The following NEK1 variants were observed in gnomAD, a reference collection of about 807,000 sequenced individuals.
NEK1 encodes the protein NIMA related kinase 1.
Under a neutral mutation model 182.1 loss-of-function variants are expected in NEK1, and 137 were observed. The ratio of observed to expected loss-of-function variants is 0.75; its 90% confidence interval spans 0.65 to 0.87. The LOEUF (loss-of-function observed/expected upper bound fraction) is 0.87, where lower values mean the gene tolerates loss of function less well. Ranked by LOEUF, NEK1 falls within the 40% of genes least tolerant of loss-of-function variation. NEK1 has a pLI of 0.00. For missense variants in NEK1, 1,391 were observed against 1,494.4 expected, an observed-to-expected ratio of 0.93 and a Z score of 1.14; for synonymous variants, 513 against 492.2, an observed-to-expected ratio of 1.04 and a Z score of -0.56.
intron 18 of NEK1, among the ~76,000 whole-genome samples, chr4:169,546,962 A>C (rs1760575948): frequency 6.6e-6 from 1 of 152,188 alleles, no homozygotes; most frequent in South Asian, 2.1e-4. Context: ...TGCAGCATTT[A>C]GCCCATTTAC....
chr4:169,609,076 A>AG lies in NEK1; in HGVS notation c.-49+2943_-49+2944insC, dbSNP rs1553961313. The stretch of plus-strand genomic sequence containing the variant: ...ACTCCTTCTCAAAAAAAAAAAAAAA[A>AG]AAGAAGAAGAAATACAATTTTAAAA... On this transcript the variant is annotated intron_variant, in intron 2 of 35. Coordinates refer to ENST00000507142, the MANE Select transcript of NEK1 (RefSeq NM_001199397.3). 5.3e-5 allele frequency among the ~76,000 whole-genome samples: 8 copies of AG among 151,924 alleles called. No individual in the cohort carries two copies. In the East Asian group the frequency reaches 5.8e-4, roughly 11 times the overall value.
chr4:169,568,345 A>T (rs1764055330), intron 12 of NEK1, among the ~76,000 whole-genome samples: 1 of 152,232 alleles, frequency 6.6e-6, no homozygotes. Flanking sequence ...ATAAATAAGC[A>T]TCTTAAAAAT....
At chr4:169,541,689 G>A (rs149458372) in intron 18 of NEK1, among the ~76,000 whole-genome samples, 1 of 152,266 alleles carries the variant, frequency 6.6e-6, no homozygotes, top group Non-Finnish European at 1.5e-5. Context: ...TATAATGCCA[G>A]TGACCACTAA....
chr4:169,444,321 T>C (rs1740079744), intron 27 of NEK1, among the ~76,000 whole-genome samples: 1 of 152,070 alleles, frequency 6.6e-6, no homozygotes, highest in South Asian at 2.1e-4. Flanking sequence ...ATTTAGAAGA[T>C]ACAGGTTGGC....
At chr4:169,596,466 C>G (rs1484464364) in intron 5 of NEK1, among the ~76,000 whole-genome samples, 1 of 152,168 alleles carries the variant, frequency 6.6e-6, no homozygotes, top group African/African-American at 2.4e-5. Flanking sequence ...GGCAAAAATA[C>G]TGGTACATCT....
chr4:169,569,558 A>G (rs1026384368), intron 12 of NEK1, among the ~76,000 whole-genome samples: 5 of 150,486 alleles, frequency 3.3e-5, no homozygotes, highest in Non-Finnish European at 7.4e-5. Context: ...GCTGGACTGT[A>G]CTGCTGCCAT....
intron 26 of NEK1, among the ~76,000 whole-genome samples, chr4:169,466,048 A>G (rs1561237550): frequency 6.6e-6 from 1 of 152,150 alleles, no homozygotes; most frequent in Non-Finnish European, 1.5e-5. Flanking sequence ...GACAGAGATG[A>G]TGTAACTAGT....
intron 23 of NEK1, among the ~76,000 whole-genome samples, chr4:169,504,120 A>G (rs903383797): frequency 1.3e-5 from 2 of 152,222 alleles, no homozygotes; most frequent in African/African-American, 4.8e-5. Flanking sequence ...AGGTACATGA[A>G]AAAGTGCTCA....
intron 8 of NEK1, 65 bp from the exon 9 acceptor site, chr4:169,587,678 C>A (rs1174136667): frequency 1.7e-5 from 17 of 986,144 alleles, no homozygotes; most frequent in Admixed American, 2.4e-5. Flanking sequence ...AAAGGAAACA[C>A]AAACAGCATA....
intron 18 of NEK1, chr4:169,555,404 T>C (rs1762020594): frequency 3.2e-6 from 1 of 308,698 alleles, no homozygotes; most frequent in South Asian, 3.1e-5. Flanking sequence ...TAGATTTATA[T>C]CCTGATTTAT....
chr4:169,401,265 G>A (rs1286573905), intron 33 of NEK1, among the ~76,000 whole-genome samples: 4 of 152,170 alleles, frequency 2.6e-5, no homozygotes, highest in Admixed American at 6.5e-5. Context: ...ACAAATTTAC[G>A]AAAAGAGTTT....
At chr4:169,442,468 G>A (rs990915932) in intron 27 of NEK1, among the ~76,000 whole-genome samples, 9 of 152,002 alleles carry the variant, frequency 5.9e-5, no homozygotes, top group African/African-American at 1.4e-4. Context: ...AAGTCAATCC[G>A]TAAAATCGGA....
At chr4:169,395,743 T>C (rs1054658076) in intron 35 of NEK1, among the ~76,000 whole-genome samples, 2 of 152,228 alleles carry the variant, frequency 1.3e-5, no homozygotes, top group African/African-American at 4.8e-5. Flanking sequence ...ATATTACAGA[T>C]GCAGAGTACC....
At chr4:169,570,858 C>G (rs966987473) in intron 12 of NEK1, among the ~76,000 whole-genome samples, 2 of 152,190 alleles carry the variant, frequency 1.3e-5, no homozygotes, top group East Asian at 1.9e-4. Context: ...GCCTTGGGAT[C>G]CTGTTGATCT....
intron 5 of NEK1, among the ~76,000 whole-genome samples, chr4:169,593,988 C>CAA (rs1218657771): frequency 1.6e-4 from 12 of 74,274 alleles, no homozygotes; most frequent in East Asian, 4.1e-4. Flanking sequence ...GACTCCGTCT[C>CAA]AAAAAAAAAA....
At chr4:169,504,142 C>T (rs1752850891) in intron 23 of NEK1, among the ~76,000 whole-genome samples, 1 of 152,134 alleles carries the variant, frequency 6.6e-6, no homozygotes, top group African/African-American at 2.4e-5. Context: ...CATCACTGAT[C>T]ATCAGAGAAA....
chr4:169,529,014 C>T (rs192251475), intron 19 of NEK1, among the ~76,000 whole-genome samples: 38 of 152,212 alleles, frequency 2.5e-4, no homozygotes, highest in Non-Finnish European at 2.4e-4. Flanking sequence ...AATACTTTTA[C>T]GTAATCCATG....
rs759995968 is a variant in NEK1 at position 169,426,270 on chromosome 4, CACTT to C, written c.2886-40_2886-37del. 5.8e-6 allele frequency: 9 copies of C among 1,544,086 alleles called. No individual in the cohort carries two copies. In the Admixed American group the frequency reaches 1.4e-4, roughly 24 times the overall value. On this transcript the variant is annotated intron_variant, in intron 29 of 35. Transcript: ENST00000507142. ...TGGGTACACCAATTAAAAACACACA[CACTT>C]AGTTTACCAGAAATAAAAGTGCTCT...
intron 26 of NEK1, among the ~76,000 whole-genome samples, chr4:169,468,343 G>A (rs573344249): frequency 6.6e-6 from 1 of 152,196 alleles, no homozygotes; most frequent in South Asian, 2.1e-4. Flanking sequence ...GAACGATTAG[G>A]CAGGGGCAAA....
Sources: gnomAD v4.1 joint callset for allele counts (sites outside exome capture counted in the v4.1 genomes callset) on GRCh38, gnomAD v4.1.1 for gene constraint, MANE v1.5 for transcripts, NCBI Gene and HGNC (gene_info 2026-07-23, HGNC 2026-07-21) for gene names.